The following MACF1 variants were observed in gnomAD, a reference collection of about 807,000 sequenced individuals.
The protein encoded by MACF1 is microtubule actin crosslinking factor 1.
A neutral mutation model predicts 854.8 loss-of-function variants in MACF1; 193 were observed. The ratio of observed to expected loss-of-function variants is 0.23; its 90% CI spans 0.20 to 0.25. MACF1 has a LOEUF of 0.25. Among genes scored for constraint, MACF1 ranks in the 10% least tolerant of loss-of-function variants. The pLI, the probability that MACF1 is intolerant of heterozygous loss-of-function variation, is 1.00. For synonymous variants in MACF1, 3,185 were observed against 3,226.7 expected, an observed-to-expected ratio of 0.99 and a Z score of 0.44; for missense variants, 7,722 against 8,929.1, an observed-to-expected ratio of 0.86 and a Z score of 5.45.
chr1:39,485,092 G>C (rs922086412), intron 100 of MACF1: 1 of 333,110 alleles, frequency 3.0e-6, no homozygotes, highest in South Asian at 4.1e-5. Context: ...TATGGCTGCT[G>C]TTGAACCAAG....
Position 39,444,701 on chromosome 1 carries a change from A to G in MACF1, c.19471A>G (p.Asn6491Asp), listed in dbSNP as rs770987209. 6.2e-7 allele frequency: 1 copy of G among 1,614,026 alleles called. No homozygotes were observed. The highest frequency in any genetic ancestry group is 8.5e-7 in the Non-Finnish European group (1 of 1,179,908). The change falls in exon 80 of 101, where the codon AAT becomes GAT. Residue 6491 changes from asparagine (N) to aspartate (D), a missense_variant. Physicochemically the swap from Asn to Asp is conservative, Grantham distance 23. Around this residue, in one of 15 missense-constraint regions of MACF1, gnomAD observed 729 missense variants for 900.5 expected, o/e 0.81. Coordinates refer to ENST00000564288, the MANE Select transcript of MACF1 (RefSeq NM_001394062.1). ...GCTGAAAGCCAAGGAAGAGACTTAT[A>G]ATCAACTACTTGACAAGGGCAGACT... is the stretch of plus-strand genomic sequence containing the variant. ...SQLKAKEETY[N>D]QLLDKGRLML...
At chr1:39,468,472 A>G (rs941716915) in intron 95 of MACF1, 143 bp from the exon 96 acceptor site, 7 of 638,544 alleles carry the variant, frequency 1.1e-5, no homozygotes, top group Admixed American at 3.1e-5. Flanking sequence ...TGTGAAATAT[A>G]TAAAAATGCA....
chr1:39,280,494 C>A (rs1046201548), intron 6 of MACF1, among the ~76,000 whole-genome samples: 1 of 152,052 alleles, frequency 6.6e-6, no homozygotes, highest in East Asian at 1.9e-4. Flanking sequence ...GTGCCAGCCC[C>A]CCTCAGGAAA....
At chr1:39,268,926 G>T in intron 6 of MACF1, 2 of 1,287,716 alleles carry the variant, frequency 1.6e-6, no homozygotes, top group Non-Finnish European at 2.0e-6. Context: ...GGAAGACGGA[G>T]TGGGAGGGGT....
At chr1:39,381,838 A>G in intron 55 of MACF1, 115 bp from the exon 56 acceptor site, 1 of 760,304 alleles carries the variant, frequency 1.3e-6, no homozygotes, top group South Asian at 1.5e-5. Context: ...AAATAAGTAA[A>G]TAAATAAATA....
chr1:39,311,839 G>C (rs549475895), intron 26 of MACF1, among the ~76,000 whole-genome samples: 12 of 152,218 alleles, frequency 7.9e-5, no homozygotes, highest in South Asian at 2.1e-4. Context: ...CTCTATGAAG[G>C]CTATTAAATT....
At chr1:39,438,125 A>T in intron 71 of MACF1, 117 bp downstream of exon 71, 1 of 901,284 alleles carries the variant, frequency 1.1e-6, no homozygotes, top group Non-Finnish European at 1.7e-6. Context: ...GTCCCCAGTA[A>T]TGAGTATTCC....
At position 39,413,845 on chromosome 1, in the gene MACF1, G is replaced by A. The variant is rs587523; in HGVS notation, c.15817-8529G>A. On this transcript the variant is annotated intron_variant, in intron 58 of 100. Coordinates refer to ENST00000564288, the MANE Select transcript of MACF1 (RefSeq NM_001394062.1). ...TGCAGCTGTGGTGGCCACCCTGGAG[G>A]AACCCACTTCCCCGGCAGCTTCAGT... The A allele has an allele frequency of 0.01, 16,219 of 1,611,228 alleles. 642 individuals carry two copies. In the African/African-American group the frequency reaches 0.12, roughly 12 times the overall value.
At position 39,485,684 on chromosome 1, in the gene MACF1, G is replaced by A. The variant is rs779453139; in HGVS notation, c.22558G>A (p.Ala7520Thr). 6.2e-7 allele frequency: 1 copy of A among 1,614,126 alleles called. No individual in the cohort carries two copies. The highest frequency in any genetic ancestry group is 1.1e-5 in the South Asian group (1 of 91,080). Residue 7520 changes from alanine (A) to threonine (T), a missense_variant, in exon 101 of 101, where the codon GCA becomes ACA. Coordinates refer to ENST00000564288, the MANE Select transcript of MACF1 (RefSeq NM_001394062.1). The part of the protein sequence containing the change: ...ACSDTSESSA[A>T]GGQGNSRRGL... ...TTCCGACACTTCAGAAAGCAGCGCTGCAGGGGGCCAAGGCAACTCCAGGAG... is the reference window on the plus strand; with the variant it reads ...TTCCGACACTTCAGAAAGCAGCGCTACAGGGGGCCAAGGCAACTCCAGGAG...
intron 2 of MACF1, among the ~76,000 whole-genome samples, chr1:39,160,003 A>G (rs1643764563): frequency 6.6e-6 from 1 of 152,096 alleles, no homozygotes; most frequent in African/African-American, 2.4e-5. Context: ...ATATATATGG[A>G]GAGCTTTGTA....
chr1:39,187,933 TTTCCCTTCCC>T (rs1200453435), intron 2 of MACF1, among the ~76,000 whole-genome samples: 3 of 91,656 alleles, frequency 3.3e-5, no homozygotes, highest in African/African-American at 1.1e-4. Context: ...TTCTTTCCCC[TTTCCCTTCCC>T]TTCCCTTCCC....
intron 2 of MACF1, among the ~76,000 whole-genome samples, chr1:39,120,598 G>A (rs923761034): frequency 1.3e-5 from 2 of 152,212 alleles, no homozygotes; most frequent in African/African-American, 4.8e-5. Flanking sequence ...TCCTGACCTC[G>A]TGATCTGCCC....
intron 51 of MACF1, among the ~76,000 whole-genome samples, chr1:39,371,829 T>C (rs528241563): frequency 6.6e-6 from 1 of 151,878 alleles, no homozygotes; most frequent in East Asian, 1.9e-4. Flanking sequence ...TTTTTTTTTT[T>C]TTAAGACGGA....
chr1:39,241,057 T>TG (rs1644917070), intron 2 of MACF1, among the ~76,000 whole-genome samples: 2 of 152,102 alleles, frequency 1.3e-5, no homozygotes, highest in Admixed American at 6.5e-5. Flanking sequence ...TCTGTTTTTT[T>TG]TTTTTTTTTT....
At chr1:39,437,446 G>A (rs1003496389) in intron 70 of MACF1, among the ~76,000 whole-genome samples, 1 of 151,952 alleles carries the variant, frequency 6.6e-6, no homozygotes, top group Non-Finnish European at 1.5e-5. Flanking sequence ...TAGTAGCTGG[G>A]ACTACGGGCG....
intron 15 of MACF1, among the ~76,000 whole-genome samples, chr1:39,289,917 C>T (rs989741297): frequency 1.3e-5 from 2 of 151,730 alleles, no homozygotes; most frequent in African/African-American, 2.4e-5. Flanking sequence ...CCAGGCTGGT[C>T]TCGAACTCCT....
chr1:39,329,811 AT>A (rs1485848236), intron 36 of MACF1, among the ~76,000 whole-genome samples: 3 of 152,190 alleles, frequency 2.0e-5, no homozygotes, highest in Non-Finnish European at 4.4e-5. Flanking sequence ...TGTTTCTAGG[AT>A]TTGCAAGGGT....
chr1:39,233,076 C>T (rs551397492), intron 2 of MACF1, among the ~76,000 whole-genome samples: 1 of 151,556 alleles, frequency 6.6e-6, no homozygotes, highest in Non-Finnish European at 1.5e-5. Context: ...CTCTTGTTGC[C>T]CAGGCTGGAG....
intron 6 of MACF1, 77 bp from the exon 7 acceptor site, chr1:39,282,131 A>G (rs1341233285): frequency 2.0e-6 from 3 of 1,494,574 alleles, no homozygotes; most frequent in East Asian, 2.3e-5. Flanking sequence ...ACTAAGAGCC[A>G]TAATGTATGG....
Sources: allele counts gnomAD v4.1 joint callset (sites outside exome capture counted in the v4.1 genomes callset), GRCh38; gene constraint gnomAD v4.1.1; regional missense constraint gnomAD v4.1.1; transcripts MANE v1.5; gene names NCBI Gene and HGNC (gene_info 2026-07-23, HGNC 2026-07-21).